PTH2R: variants seen among roughly 807,000 people sequenced by gnomAD.
The protein encoded by PTH2R is parathyroid hormone 2 receptor, also known as PTH2 receptor.
In PTH2R, 59 loss-of-function variants were observed where a neutral mutation model predicts 60.3. That is an observed-to-expected ratio of 0.98 (90% confidence interval 0.79 to 1.22). The LOEUF is 1.22. Among genes scored for constraint, PTH2R ranks in the 50% most tolerant of loss-of-function variants. The pLI, the probability that PTH2R is intolerant of heterozygous loss-of-function variation, is 0.00. For missense variants in PTH2R, 749 were observed against 682.6 expected, an observed-to-expected ratio of 1.10 and a Z score of -1.08; for synonymous variants, 256 against 243.8, an observed-to-expected ratio of 1.05 and a Z score of -0.47.
In PTH2R at chr2:208,466,800, AT is replaced by A. The variant is rs1423825364; in HGVS notation, c.981+6840del. On this transcript the variant is annotated intron_variant, in intron 9 of 12. Transcript: ENST00000272847. ...CATTAATTTTTATTGAATACATTAA[AT>A]ACATAAATATTGCAAATATTTTCTA... 3.9e-5 allele frequency among the ~76,000 whole-genome samples: 6 copies of A among 152,338 alleles called. No homozygotes were observed. The East Asian group carries it at 9.6e-4, about 24-fold the overall frequency.
At chr2:208,360,196 GA>G (rs1286952472) in exon 1 of PTH2R, 1 of 455,082 alleles carries the variant, frequency 2.2e-6, no homozygotes, top group Non-Finnish European at 4.4e-6. Flanking sequence ...TACGATAAAT[GA>G]AAGCATTTCT....
At chr2:208,360,028 T>G (rs1700416680) in exon 1 of PTH2R, 1 of 334,752 alleles carries the variant, frequency 3.0e-6, no homozygotes, top group Non-Finnish European at 6.0e-6. Context: ...ACCCACAGGT[T>G]TTTTGGGTCG....
intron 1 of PTH2R, among the ~76,000 whole-genome samples, chr2:208,368,068 A>G (rs1413271338): frequency 2.6e-5 from 4 of 152,200 alleles, no homozygotes; most frequent in East Asian, 1.9e-4. Flanking sequence ...GATATTGCCA[A>G]TGGATTCCCA....
chr2:208,413,272 C>G (rs986172736), intron 1 of PTH2R, among the ~76,000 whole-genome samples: 2 of 152,148 alleles, frequency 1.3e-5, no homozygotes, highest in Non-Finnish European at 1.5e-5. Context: ...AGTGATCCTC[C>G]TTTCATCTTG....
At chr2:208,471,522 T>A (rs992597903) in intron 9 of PTH2R, among the ~76,000 whole-genome samples, 2 of 152,228 alleles carry the variant, frequency 1.3e-5, no homozygotes, top group African/African-American at 4.8e-5. Context: ...CCATGTGGTG[T>A]TGAGCCTGTA....
chr2:208,443,078 C>T (rs1406022380), intron 5 of PTH2R, among the ~76,000 whole-genome samples: 1 of 152,182 alleles, frequency 6.6e-6, no homozygotes, highest in Non-Finnish European at 1.5e-5. Context: ...AGTATAACAT[C>T]TATTTACATA....
intron 1 of PTH2R, among the ~76,000 whole-genome samples, chr2:208,377,974 G>A (rs537086906): frequency 2.0e-5 from 3 of 152,152 alleles, no homozygotes; most frequent in African/African-American, 2.4e-5. Context: ...ACGGGGTGGC[G>A]GCCAGGCAGA....
chr2:208,448,559 G>A lies in PTH2R; in HGVS notation c.854-2190G>A, dbSNP rs950786377. ...TGAGGCAAGAGTATGGTGTGAACCC[G>A]GGAGGCGGAGCTTGCAGTGAGCCGG... On this transcript the variant is annotated intron_variant, in intron 7 of 12. Coordinates refer to ENST00000272847, the MANE Select transcript of PTH2R (RefSeq NM_005048.4). 6.6e-5 allele frequency among the ~76,000 whole-genome samples: 10 copies of A among 150,706 alleles called. No individual in the cohort carries two copies. The South Asian group carries it at 2.1e-3, about 32-fold the overall frequency.
chr2:208,424,212 A>G (rs2105850043), intron 1 of PTH2R, among the ~76,000 whole-genome samples: 1 of 152,284 alleles, frequency 6.6e-6, no homozygotes. Flanking sequence ...GGGTGTCCAG[A>G]AGCCTTGTTT....
intron 9 of PTH2R, among the ~76,000 whole-genome samples, chr2:208,472,396 A>C (rs1702902758): frequency 6.6e-6 from 1 of 152,210 alleles, no homozygotes; most frequent in Non-Finnish European, 1.5e-5. Context: ...GTTCGCAACA[A>C]GTTCCTCACC....
chr2:208,472,749 C>T (rs1414966856), intron 9 of PTH2R, among the ~76,000 whole-genome samples: 1 of 152,130 alleles, frequency 6.6e-6, no homozygotes, highest in East Asian at 1.9e-4. Context: ...AGTTAATCTC[C>T]TATATTTTAT....
chr2:208,391,001 A>G (rs936036637), intron 1 of PTH2R, among the ~76,000 whole-genome samples: 1 of 152,118 alleles, frequency 6.6e-6, no homozygotes, highest in Non-Finnish European at 1.5e-5. Flanking sequence ...AGTGTGATGT[A>G]TCCAGAATTT....
At chr2:208,376,809 T>C (rs1415901549) in intron 1 of PTH2R, among the ~76,000 whole-genome samples, 1 of 152,036 alleles carries the variant, frequency 6.6e-6, no homozygotes, top group Non-Finnish European at 1.5e-5. Context: ...CCGCCCCTCT[T>C]ATGTGCTCCC....
intron 7 of PTH2R, among the ~76,000 whole-genome samples, chr2:208,450,529 C>A (rs1702382753): frequency 6.6e-6 from 1 of 152,158 alleles, no homozygotes; most frequent in Non-Finnish European, 1.5e-5. Flanking sequence ...CAGTTTTTAT[C>A]TTCAGACTAG....
chr2:208,392,965 G>A (rs1373463282), intron 1 of PTH2R, among the ~76,000 whole-genome samples: 6 of 152,208 alleles, frequency 3.9e-5, no homozygotes, highest in Admixed American at 2.0e-4. Flanking sequence ...ACCACAGGCT[G>A]GACAGGGTCA....
intron 1 of PTH2R, among the ~76,000 whole-genome samples, chr2:208,397,454 G>A (rs1396526798): frequency 6.6e-6 from 1 of 152,188 alleles, no homozygotes; most frequent in Non-Finnish European, 1.5e-5. Flanking sequence ...GAACACCAGG[G>A]TCCTTGGTCT....
chr2:208,459,734 TC>T (rs1311910735), intron 8 of PTH2R, among the ~76,000 whole-genome samples, 160 bp from the exon 9 acceptor site: 3 of 152,158 alleles, frequency 2.0e-5, no homozygotes, highest in Non-Finnish European at 4.4e-5. Context: ...TTACACTTTT[TC>T]CCCCCACTGG....
chr2:208,400,801 T>A (rs2105823674), intron 1 of PTH2R, among the ~76,000 whole-genome samples: 1 of 152,354 alleles, frequency 6.6e-6, no homozygotes, highest in Middle Eastern at 3.4e-3. Flanking sequence ...ATGTGATTTA[T>A]GTGCATTATA....
chr2:208,384,560 A>G (rs559613427), intron 1 of PTH2R, among the ~76,000 whole-genome samples: 9 of 152,348 alleles, frequency 5.9e-5, no homozygotes, highest in African/African-American at 1.4e-4. Flanking sequence ...AAGATTGTCA[A>G]TTCAGTGCTG....
Sources: gnomAD v4.1 joint callset for allele counts (sites outside exome capture counted in the v4.1 genomes callset) on GRCh38, gnomAD v4.1.1 for gene constraint, MANE v1.5 for transcripts, NCBI Gene and HGNC (gene_info 2026-07-23, HGNC 2026-07-21) for gene names.